The following NUBPL variants were observed in gnomAD, a reference collection of about 807,000 sequenced individuals.
The protein encoded by NUBPL is NUBP iron-sulfur cluster assembly factor, mitochondrial, also known as iron-sulfur cluster transfer protein NUBPL.
Under a neutral mutation model 45.7 loss-of-function variants are expected in NUBPL, and 31 were observed. The ratio of observed to expected loss-of-function variants is 0.68; its 90% CI spans 0.51 to 0.92. NUBPL has a LOEUF of 0.92. Ranked by LOEUF, NUBPL falls within the 40% of genes least tolerant of loss-of-function variation. NUBPL has a pLI of 0.00. For synonymous variants in NUBPL, 144 were observed against 140.9 expected (o/e 1.02, Z -0.15); for missense variants, 401 against 398.7 (o/e 1.01, Z -0.05).
At chr14:31,604,396 T>C (rs1240159204) in intron 4 of NUBPL, among the ~76,000 whole-genome samples, 2 of 152,216 alleles carry the variant, frequency 1.3e-5, no homozygotes, top group Non-Finnish European at 2.9e-5. Flanking sequence ...CCTATTCTGC[T>C]ATTACAGAAA....
intron 6 of NUBPL, among the ~76,000 whole-genome samples, chr14:31,675,136 CAAA>C (rs373044954): frequency 1.8e-5 from 2 of 111,882 alleles, no homozygotes; most frequent in Admixed American, 9.6e-5. Flanking sequence ...GACTCCGTCT[CAAA>C]AAAAAAAAAA....
chr14:31,801,476 C>T (rs1308357896), intron 7 of NUBPL, among the ~76,000 whole-genome samples: 1 of 152,100 alleles, frequency 6.6e-6, no homozygotes, highest in Admixed American at 6.5e-5. Flanking sequence ...TTTCTGCCCT[C>T]TAAAAGATTG....
intron 6 of NUBPL, among the ~76,000 whole-genome samples, chr14:31,741,497 T>C (rs2038283205): frequency 6.6e-6 from 1 of 152,130 alleles, no homozygotes; most frequent in Non-Finnish European, 1.5e-5. Context: ...AGTAGATCTT[T>C]GTAAGGGTAG....
At chr14:31,621,114 A>G (rs1237756214) in intron 4 of NUBPL, among the ~76,000 whole-genome samples, 2 of 152,148 alleles carry the variant, frequency 1.3e-5, no homozygotes, top group African/African-American at 2.4e-5. Context: ...GGGCTCAGCA[A>G]TGGCAGATGC....
At chr14:31,722,035 C>T (rs887310783) in intron 6 of NUBPL, among the ~76,000 whole-genome samples, 5 of 152,116 alleles carry the variant, frequency 3.3e-5, no homozygotes, top group African/African-American at 1.2e-4. Context: ...CTCGTTCTGT[C>T]GCCCAGGCTG....
At chr14:31,590,221 A>G (rs2034106048) in intron 3 of NUBPL, among the ~76,000 whole-genome samples, 1 of 152,124 alleles carries the variant, frequency 6.6e-6, no homozygotes, top group South Asian at 2.1e-4. Context: ...GCTCACTGCA[A>G]CCTCTGCCTC....
chr14:31,566,129 A>G (rs1274026594), intron 3 of NUBPL, among the ~76,000 whole-genome samples: 1 of 152,122 alleles, frequency 6.6e-6, no homozygotes, highest in Non-Finnish European at 1.5e-5. Flanking sequence ...TTCTACCCGT[A>G]CTATGTAACT....
chr14:31,594,847 C>T (rs1037874297), intron 3 of NUBPL, among the ~76,000 whole-genome samples: 1 of 152,158 alleles, frequency 6.6e-6, no homozygotes, highest in Non-Finnish European at 1.5e-5. Flanking sequence ...CACCAACTGC[C>T]AGTCCGAGAT....
chr14:31,597,044 AT>A (rs1245287067), intron 3 of NUBPL, among the ~76,000 whole-genome samples: 1 of 152,098 alleles, frequency 6.6e-6, no homozygotes, highest in Non-Finnish European at 1.5e-5. Flanking sequence ...TTGCTGTCTA[AT>A]GTCCCTTTAT....
At chr14:31,755,685 A>C (rs1333523711) in intron 6 of NUBPL, among the ~76,000 whole-genome samples, 1 of 152,132 alleles carries the variant, frequency 6.6e-6, no homozygotes, top group Non-Finnish European at 1.5e-5. Flanking sequence ...TTTGCTGTGC[A>C]GAAGCTCTTT....
intron 6 of NUBPL, among the ~76,000 whole-genome samples, chr14:31,696,596 G>T (rs1444764764): frequency 6.6e-6 from 1 of 151,974 alleles, no homozygotes; most frequent in Non-Finnish European, 1.5e-5. Flanking sequence ...AAAAAAACGT[G>T]TTCTCAACCC....
intron 8 of NUBPL, among the ~76,000 whole-genome samples, chr14:31,836,711 T>A (rs765802963): frequency 2.6e-5 from 4 of 152,212 alleles, no homozygotes; most frequent in Non-Finnish European, 5.9e-5. Flanking sequence ...AGGCTTTCTT[T>A]TAAATTGTCC....
intron 3 of NUBPL, among the ~76,000 whole-genome samples, chr14:31,599,058 A>G (rs2034355053): frequency 6.6e-6 from 1 of 152,208 alleles, no homozygotes; most frequent in Non-Finnish European, 1.5e-5. Context: ...TTTCTCTATC[A>G]GTTGTCTAGA....
chr14:31,713,394 T>TAACA (rs150809607), intron 6 of NUBPL, among the ~76,000 whole-genome samples: 15,244 of 152,154 alleles, frequency 0.1, 2,047 homozygotes, highest in African/African-American at 0.31. Flanking sequence ...ATTTTTTTCC[T>TAACA]AACATGTTTA....
In NUBPL at chr14:31,687,016, G is replaced by A. The variant is rs189950521; in HGVS notation, c.513+13442G>A. 8.1e-4 allele frequency among the ~76,000 whole-genome samples: 123 copies of A among 152,346 alleles called. 1 individual carries two copies. Among genetic ancestry groups the A allele is most frequent in the Admixed American group, 7.8e-3 (119 of 15,308 alleles). ...GTAGTCTTGCTATTTGGGAGGCTGA[G>A]ATGGGAGGACTGGTTGAGCCTAGGA... On this transcript the variant is annotated intron_variant, in intron 6 of 10. Coordinates refer to ENST00000281081, the MANE Select transcript of NUBPL (RefSeq NM_025152.3).
At chr14:31,739,254 T>TATATATATATATA (rs1566533850) in intron 6 of NUBPL, among the ~76,000 whole-genome samples, 14 of 100,830 alleles carry the variant, frequency 1.4e-4, no homozygotes, top group African/African-American at 8.7e-4. Flanking sequence ...ATATATATAT[T>TATATATATATATA]TTTTTTTTTT....
intron 9 of NUBPL, among the ~76,000 whole-genome samples, chr14:31,849,880 T>C (rs1010061406): frequency 6.6e-6 from 1 of 152,202 alleles, no homozygotes; most frequent in Non-Finnish European, 1.5e-5. Context: ...CCTCATACCT[T>C]GATGTGGTGC....
At chr14:31,561,720 A>G in intron 1 of NUBPL, 173 bp downstream of exon 1, 1 of 548,178 alleles carries the variant, frequency 1.8e-6, no homozygotes, top group Non-Finnish European at 3.1e-6. Context: ...CGGGACTTGA[A>G]ACACAGTTAG....
intron 4 of NUBPL, among the ~76,000 whole-genome samples, chr14:31,653,829 C>T (rs1443971145): frequency 6.6e-6 from 1 of 152,126 alleles, no homozygotes; most frequent in Non-Finnish European, 1.5e-5. Flanking sequence ...TAAAGACAGG[C>T]ATAAGATATT....
Sources: gnomAD v4.1 joint callset for allele counts (sites outside exome capture counted in the v4.1 genomes callset) on GRCh38, gnomAD v4.1.1 for gene constraint, MANE v1.5 for transcripts, NCBI Gene and HGNC (gene_info 2026-07-23, HGNC 2026-07-21) for gene names.